CDH7: variants seen among roughly 807,000 people sequenced by gnomAD.
CDH7 encodes the protein cadherin-7.
Under a neutral mutation model 71.8 loss-of-function variants are expected in CDH7, and 25 were observed. The observed-to-expected ratio is 0.35, with a 90% CI of 0.25 to 0.49. CDH7 has a LOEUF of 0.49. Ranked by LOEUF, CDH7 falls within the 20% of genes least tolerant of loss-of-function variation. The probability of loss-of-function intolerance (pLI) is 0.99; values close to 1 mark genes in which losing one functional copy is unlikely to be tolerated. For synonymous variants in CDH7, 381 were observed against 363.8 expected, an observed-to-expected ratio of 1.05 and a Z score of -0.54; for missense variants, 862 against 974.6, an observed-to-expected ratio of 0.88 and a Z score of 1.54.
At chr18:65,755,236 A>G (rs113374207) in intron 1 of CDH7, among the ~76,000 whole-genome samples, 2,690 of 152,308 alleles carry the variant, frequency 0.018, 89 homozygotes, top group African/African-American at 0.061. Context: ...ATATTGGATC[A>G]GTACCTAGCT....
chr18:65,826,854 T>G (rs181538834), intron 6 of CDH7, among the ~76,000 whole-genome samples: 28 of 151,714 alleles, frequency 1.8e-4, no homozygotes, highest in African/African-American at 6.0e-4. Flanking sequence ...ACAGAGATGG[T>G]TTTCAGTGGG....
At chr18:65,862,017 A>G (rs779948946) in intron 10 of CDH7, among the ~76,000 whole-genome samples, 1 of 152,158 alleles carries the variant, frequency 6.6e-6, no homozygotes, top group African/African-American at 2.4e-5. Flanking sequence ...AAAGTTCATA[A>G]TTACTATAAT....
At position 65,824,667 on chromosome 18, in the gene CDH7, G is replaced by T. The variant is rs1201699150; in HGVS notation, c.817G>T (p.Glu273Ter). ...AGGGTCTTATCAATATAACGTCCCA[G>T]AGTCATTACCTGTAGCCTCAGTTGT... is the stretch of plus-strand genomic sequence containing the variant. ...PRRSYQYNVP[E>*]SLPVASVVAR... The change falls in exon 6 of 12, where the codon GAG becomes TAG. Residue 273 changes from glutamate (E) to a stop codon, truncating the protein, a stop_gained. Coordinates refer to ENST00000397968, the MANE Select transcript of CDH7 (RefSeq NM_004361.5). LOFTEE classifies it high-confidence loss of function. 1 of 1,602,706 alleles carries T rather than the reference G, an allele frequency of 6.2e-7. No homozygotes were observed. Among genetic ancestry groups the T allele is most frequent in the African/African-American group, 1.3e-5 (1 of 74,440 alleles).
intron 2 of CDH7, among the ~76,000 whole-genome samples, chr18:65,776,137 T>C (rs770497262): frequency 5.5e-4 from 83 of 152,162 alleles, no homozygotes; most frequent in Non-Finnish European, 1.0e-3. Flanking sequence ...TGAAGAGTGA[T>C]ACATGTTATT....
rs1327639792 is a variant in CDH7 at position 65,888,300 on chromosome 18, A to T, written c.*7406A>T. On this transcript the variant is annotated 3_prime_UTR_variant, in exon 12 of 12. Transcript: ENST00000397968. The stretch of plus-strand genomic sequence containing the variant: ...CCGTGAGAATGTGAGACCTCAGTAT[A>T]TTGCTGTGTTTTATTGTGTGTTTTG... The T allele has an allele frequency of 1.3e-5, 2 of 152,188 alleles. No homozygotes were observed. The highest frequency in any genetic ancestry group is 2.9e-5 in the Non-Finnish European group (2 of 68,030). The allele number at this position is 152,188 out of a possible 1,614,324, so 9.4% of individuals were successfully genotyped here.
chr18:65,849,424 CTTTCT>C (rs1913067198), intron 7 of CDH7, among the ~76,000 whole-genome samples: 1 of 91,502 alleles, frequency 1.1e-5, no homozygotes, highest in African/African-American at 4.8e-5. Flanking sequence ...CTTTTCTTTT[CTTTCT>C]TTTCTTTCCT....
upstream of CDH7, chr18:65,750,620 T>G (rs1481494844): frequency 6.6e-6 from 1 of 152,282 alleles, no homozygotes; most frequent in Non-Finnish European, 1.5e-5. Context: ...GGCTCCGTCT[T>G]CGCGTTCTTT....
At chr18:65,754,173 C>T (rs1915966993) in intron 1 of CDH7, among the ~76,000 whole-genome samples, 1 of 152,130 alleles carries the variant, frequency 6.6e-6, no homozygotes, top group Non-Finnish European at 1.5e-5. Flanking sequence ...ATTATAAACT[C>T]TTGTTTCCCC....
At chr18:65,817,740 T>C (rs1911771525) in intron 4 of CDH7, among the ~76,000 whole-genome samples, 1 of 152,210 alleles carries the variant, frequency 6.6e-6, no homozygotes, top group Non-Finnish European at 1.5e-5. Context: ...CATATTTGAT[T>C]TACTGATAAA....
intron 3 of CDH7, among the ~76,000 whole-genome samples, chr18:65,812,662 G>A (rs183404705): frequency 7.9e-5 from 12 of 152,248 alleles, no homozygotes; most frequent in South Asian, 4.1e-4. Context: ...ATAGACAGGT[G>A]TGGAAAGCTT....
chr18:65,873,084 A>T (rs1324609855), intron 11 of CDH7, among the ~76,000 whole-genome samples: 1 of 152,152 alleles, frequency 6.6e-6, no homozygotes, highest in Non-Finnish European at 1.5e-5. Flanking sequence ...GTGAAGAATT[A>T]AAAAATAGGA....
At chr18:65,807,101 G>A (rs574441701) in intron 2 of CDH7, among the ~76,000 whole-genome samples, 29 of 151,928 alleles carry the variant, frequency 1.9e-4, no homozygotes, top group African/African-American at 6.0e-4. Flanking sequence ...GGATGTGTGC[G>A]TGGGGGTGGG....
chr18:65,844,867 T>C (rs1008805132), intron 7 of CDH7, among the ~76,000 whole-genome samples: 2 of 152,090 alleles, frequency 1.3e-5, no homozygotes, highest in African/African-American at 4.8e-5. Flanking sequence ...ATACTTCACT[T>C]TTCAACATAA....
At chr18:65,810,706 C>A (rs544744887) in intron 3 of CDH7, among the ~76,000 whole-genome samples, 63 of 152,102 alleles carry the variant, frequency 4.1e-4, no homozygotes, top group African/African-American at 1.5e-3. Flanking sequence ...TTCCTCCTAC[C>A]CCCAACCCTC....
At chr18:65,825,881 T>A (rs969383680) in intron 6 of CDH7, among the ~76,000 whole-genome samples, 1 of 151,768 alleles carries the variant, frequency 6.6e-6, no homozygotes, top group African/African-American at 2.4e-5. Flanking sequence ...TTTGTTTTGT[T>A]GCCTAAATTA....
chr18:65,856,832 A>T (rs1333364695), intron 7 of CDH7, among the ~76,000 whole-genome samples: 1 of 152,154 alleles, frequency 6.6e-6, no homozygotes, highest in Non-Finnish European at 1.5e-5. Context: ...AATTTTGTGT[A>T]TAAAACAAAT....
chr18:65,765,375 G>A (rs1916323243), intron 2 of CDH7, among the ~76,000 whole-genome samples: 1 of 151,798 alleles, frequency 6.6e-6, no homozygotes, highest in South Asian at 2.1e-4. Context: ...TAATTTGGTG[G>A]TCTGAATAAG....
chr18:65,853,461 CTTTA>C, intron 7 of CDH7, among the ~76,000 whole-genome samples: 1 of 152,044 alleles, frequency 6.6e-6, no homozygotes, highest in Non-Finnish European at 1.5e-5. Flanking sequence ...TCTGTATTTT[CTTTA>C]TTTTTCTCAC....
intron 5 of CDH7, among the ~76,000 whole-genome samples, chr18:65,822,546 T>A (rs1448792350): frequency 9.4e-6 from 1 of 106,002 alleles, no homozygotes; most frequent in African/African-American, 2.9e-5. Flanking sequence ...TATGTATTAG[T>A]CTTTTTTCTA....
Sources: gnomAD v4.1 joint callset for allele counts (sites outside exome capture counted in the v4.1 genomes callset) on GRCh38, gnomAD v4.1.1 for gene constraint, MANE v1.5 for transcripts, NCBI Gene and HGNC (gene_info 2026-07-23, HGNC 2026-07-21) for gene names.